ZNF333: variants seen among roughly 807,000 people sequenced by gnomAD.
ZNF333 encodes the protein zinc finger protein 333.
A neutral mutation model predicts 76.1 loss-of-function variants in ZNF333; 61 were observed. The ratio of observed to expected loss-of-function variants is 0.80; its 90% confidence interval spans 0.65 to 0.99. The LOEUF (loss-of-function observed/expected upper bound fraction) is 0.99, where lower values mean the gene tolerates loss of function less well. Among genes scored for constraint, ZNF333 ranks in the 50% least tolerant of loss-of-function variants. The probability of loss-of-function intolerance (pLI) is 0.00; values close to 1 mark genes in which losing one functional copy is unlikely to be tolerated. For missense variants in ZNF333, 717 were observed against 822.4 expected, an observed-to-expected ratio of 0.87 and a Z score of 1.57; for synonymous variants, 284 against 305.0, an observed-to-expected ratio of 0.93 and a Z score of 0.72.
chr19:14,732,596 T>C (rs1199513151), exon 12 of ZNF333: 1 of 152,244 alleles, frequency 6.6e-6, no homozygotes, highest in Non-Finnish European at 1.5e-5. Context: ...TGACCCACCA[T>C]CTGTTTCTGT....
exon 12 of ZNF333, chr19:14,733,161 G>T (rs1295162341): frequency 6.6e-6 from 1 of 152,136 alleles, no homozygotes; most frequent in African/African-American, 2.4e-5. Context: ...GATATTATGT[G>T]GTCTCTTGAA....
chr19:14,728,348 T>C (rs4808387), intron 11 of ZNF333, among the ~76,000 whole-genome samples: 44,929 of 152,170 alleles, frequency 0.3, 7,001 homozygotes, highest in South Asian at 0.54. Context: ...GTGTCTCTTC[T>C]TATGCTAGGG....
intron 3 of ZNF333, 75 bp downstream of exon 3, chr19:14,695,208 G>A (rs1973090432): frequency 1.3e-6 from 2 of 1,548,344 alleles, no homozygotes; most frequent in Non-Finnish European, 1.7e-6. Flanking sequence ...ATGTGAAGAA[G>A]ACAGACGTGG....
intron 9 of ZNF333, 26 bp from the exon 10 acceptor site, chr19:14,716,968 A>G (rs2042449240): frequency 1.3e-6 from 2 of 1,597,178 alleles, no homozygotes; most frequent in East Asian, 4.5e-5. Flanking sequence ...GTCCTCGCAC[A>G]ACATGTGTTT....
rs760366535 is a variant in ZNF333, at chr19:14,716,143, T to C, written c.632T>C (p.Val211Ala). The change falls in exon 9 of 12, where the codon GTG (valine) becomes GCG (alanine). Residue 211 changes from valine to alanine, a missense_variant. By Grantham distance (64) the Val-to-Ala change is moderately conservative. Coordinates refer to ENST00000292530, the MANE Select transcript of ZNF333 (RefSeq NM_032433.4). ...EPVTFADVAV[V>A]FTPEEWVFLD... The stretch of plus-strand genomic sequence containing the variant: ...GTCACCTTTGCAGATGTGGCTGTGG[T>C]GTTCACCCCAGAAGAATGGGTGTTT... The C allele has an allele frequency of 6.2e-7, 1 of 1,614,040 alleles. No homozygotes were observed. The highest frequency in any genetic ancestry group is 2.2e-5 in the East Asian group (1 of 44,898).
intron 7 of ZNF333, 96 bp from the exon 8 acceptor site, chr19:14,715,286 T>C: frequency 1.0e-6 from 1 of 984,086 alleles, no homozygotes; most frequent in South Asian, 1.4e-5. Context: ...TGTGTACACA[T>C]GTGATCACTC....
rs1305529789 is a variant in ZNF333 at position 14,695,548 on chromosome 19, G to A, written c.128-18G>A. Reference sequence around the variant, plus strand: ...AAGCCCTCTCTCTCTCAGTGCCTGTGTCTTTCTTCATGTGCAGGAACTCCA... The same window carrying A: ...AAGCCCTCTCTCTCTCAGTGCCTGTATCTTTCTTCATGTGCAGGAACTCCA... On this transcript the variant is annotated intron_variant, in intron 3 of 11. Transcript: ENST00000292530. 5 of 1,612,774 alleles carry A rather than the reference G, an allele frequency of 3.1e-6. No individual in the cohort carries two copies. Among genetic ancestry groups the A allele is most frequent in the Non-Finnish European group, 4.2e-6 (5 of 1,178,920 alleles).
chr19:14,706,759 T>C lies in ZNF333; in HGVS notation c.497T>C (p.Val166Ala). The change falls in exon 7 of 12, where the codon GTG becomes GCG. Residue 166 changes from valine to alanine, a missense_variant. Val to Ala is a moderately conservative substitution (Grantham distance 64, BLOSUM62 0). Transcript: ENST00000292530. Reference sequence around the variant, plus strand: ...ACTCTGGGCCACCGCAACCCATGGGTGGCCAGGGATTCTGGTGAGTGAGTG... The same window carrying C: ...ACTCTGGGCCACCGCAACCCATGGGCGGCCAGGGATTCTGGTGAGTGAGTG... ...VPTLGHRNPW[V>A]ARDSAVPARD... is the part of the protein sequence containing the mutation. 1 of 1,613,448 alleles carries C rather than the reference T, an allele frequency of 6.2e-7. No homozygotes were observed. The highest frequency in any genetic ancestry group is 1.1e-5 in the South Asian group (1 of 91,010).
At chr19:14,733,334 C>T (rs1199492005) in exon 12 of ZNF333, 2 of 151,820 alleles carry the variant, frequency 1.3e-5, no homozygotes, top group Admixed American at 1.3e-4. Flanking sequence ...TATAAGCAGC[C>T]AAAAAAAGCA....
rs1377816453 is a variant in ZNF333, at chr19:14,719,352, A to T, written c.*27A>T. 3 of 1,568,856 alleles carry T rather than the reference A, an allele frequency of 1.9e-6. No individual in the cohort carries two copies. The highest frequency in any genetic ancestry group is 2.7e-5 in the African/African-American group (2 of 73,436). On this transcript the variant is annotated 3_prime_UTR_variant, in exon 12 of 12. Transcript: ENST00000292530. Reference sequence around the variant, plus strand: ...TTCCATTTTGTAAAAATATAAACACATGGGGCTATGACTTTCCCTCGTAAT... The same window carrying T: ...TTCCATTTTGTAAAAATATAAACACTTGGGGCTATGACTTTCCCTCGTAAT...
At position 14,721,077 on chromosome 19, in the gene ZNF333, G is replaced by A; in HGVS notation, c.*1752G>A. 12 of 594,114 alleles carry A rather than the reference G, an allele frequency of 2.0e-5. No individual in the cohort carries two copies. The highest frequency in any genetic ancestry group is 2.5e-5 in the Non-Finnish European group (12 of 473,208). 36.8% of individuals were successfully genotyped at this position (594,114 alleles called of 1,614,324 possible). ...TAGAGTTTACTATTAATAGATAGTA[G>A]CCACTGCCTGAAGCTTTGCATCTTT... On this transcript the variant is annotated 3_prime_UTR_variant, in exon 12 of 12. Coordinates refer to ENST00000292530, the MANE Select transcript of ZNF333 (RefSeq NM_032433.4).
chr19:14,710,909 A>G (rs1338508618), intron 7 of ZNF333, among the ~76,000 whole-genome samples: 1 of 152,032 alleles, frequency 6.6e-6, no homozygotes, highest in Non-Finnish European at 1.5e-5. Flanking sequence ...CTTAGGTCAG[A>G]AGGGGAAGGG....
At chr19:14,702,606 C>T (rs1206614858) in intron 5 of ZNF333, among the ~76,000 whole-genome samples, 2 of 152,184 alleles carry the variant, frequency 1.3e-5, no homozygotes, top group Non-Finnish European at 2.9e-5. Flanking sequence ...AGGCCCACCC[C>T]ACAGCTGCCT....
rs771507102 is a variant in ZNF333, at chr19:14,718,891, A to G, written c.1564A>G (p.Asn522Asp). ...GKPFRTSTHL[N>D]VHKRIHTGEK... Reference sequence around the variant, plus strand: ...GCCCTTCCGGACGAGCACTCATCTGAACGTGCACAAGAGGATACACACAGG... The same window carrying G: ...GCCCTTCCGGACGAGCACTCATCTGGACGTGCACAAGAGGATACACACAGG... Residue 522 changes from asparagine to aspartate, a missense_variant, in exon 12 of 12, where the codon AAC becomes GAC. Transcript: ENST00000292530. The G allele has an allele frequency of 2.5e-6, 4 of 1,614,058 alleles. No homozygotes were observed. The highest frequency in any genetic ancestry group is 1.7e-5 in the Admixed American group (1 of 60,002).
chr19:14,710,773 C>T (rs1261797844), intron 7 of ZNF333, among the ~76,000 whole-genome samples: 2 of 152,096 alleles, frequency 1.3e-5, no homozygotes, highest in Non-Finnish European at 2.9e-5. Context: ...GTGAGATTTC[C>T]TTCTTAAAAA....
chr19:14,719,569 G>A lies in ZNF333; in HGVS notation c.*244G>A, dbSNP rs2042544017. ...TTATAGTGAAATGCATACATCTGAAGTGTACAGTTGGATGAGTTTGACAGA... is the reference window on the plus strand; with the variant it reads ...TTATAGTGAAATGCATACATCTGAAATGTACAGTTGGATGAGTTTGACAGA... On this transcript the variant is annotated 3_prime_UTR_variant, in exon 12 of 12. Transcript: ENST00000292530. 1.9e-6 allele frequency: 2 copies of A among 1,058,918 alleles called. No homozygotes were observed. Among genetic ancestry groups the A allele is most frequent in the Non-Finnish European group, 2.5e-6 (2 of 810,590 alleles). The allele number at this position is 1,058,918 out of a possible 1,614,324, so 65.6% of individuals were successfully genotyped here. A position where few individuals can be genotyped will look rare whatever the true frequency, so the allele number is the denominator to read the frequency against.
intron 6 of ZNF333, 103 bp downstream of exon 6, chr19:14,705,273 T>C: frequency 1.0e-6 from 1 of 977,252 alleles, no homozygotes; most frequent in African/African-American, 1.6e-5. Flanking sequence ...AGGAGGGTGT[T>C]TGGGGCCTGT....
intron 11 of ZNF333, among the ~76,000 whole-genome samples, chr19:14,729,599 C>T (rs1365969355): frequency 6.6e-6 from 1 of 152,112 alleles, no homozygotes; most frequent in Non-Finnish European, 1.5e-5. Flanking sequence ...GCGATCTGCC[C>T]ACCCCAGCCT....
At position 14,717,001 on chromosome 19, in the gene ZNF333, A is replaced by C. The variant is rs949126534; in HGVS notation, c.735A>C (p.Gln245His). ...TTTTTTTCTCATGAGCAGCTGATCA[A>C]CTGTGCAAACCCAATGCGTTGTCTT... ...NYRNLASVADQLCKPNALSYL... is the reference protein window; with the variant it reads ...NYRNLASVADHLCKPNALSYL... Residue 245 changes from glutamine to histidine, a missense_variant, in exon 10 of 12, where the codon CAA (glutamine) becomes CAC (histidine). Transcript: ENST00000292530. The C allele has an allele frequency of 1.3e-5, 21 of 1,611,326 alleles. No individual in the cohort carries two copies. Among genetic ancestry groups the C allele is most frequent in the Admixed American group, 5.0e-5 (3 of 59,788 alleles).
Sources: gnomAD v4.1 joint callset for allele counts (sites outside exome capture counted in the v4.1 genomes callset) on GRCh38, gnomAD v4.1.1 for gene constraint, MANE v1.5 for transcripts, NCBI Gene and HGNC (gene_info 2026-07-23, HGNC 2026-07-21) for gene names.